Variants in ASAP1 observed in about 807,000 individuals in gnomAD.
ASAP1 encodes the protein ArfGAP with SH3 domain, ankyrin repeat and PH domain 1, also known as arf-GAP with SH3 domain, ANK repeat and PH domain-containing protein 1.
A neutral mutation model predicts 145.2 loss-of-function variants in ASAP1; 43 were observed. The ratio of observed to expected loss-of-function variants is 0.30; its 90% CI spans 0.23 to 0.38. ASAP1 has a LOEUF of 0.38. Among genes scored for constraint, ASAP1 ranks in the 10% least tolerant of loss-of-function variants. The probability of loss-of-function intolerance (pLI) is 1.00; values close to 1 mark genes in which losing one functional copy is unlikely to be tolerated. For synonymous variants in ASAP1, 546 were observed against 515.5 expected, an observed-to-expected ratio of 1.06 and a Z score of -0.80; for missense variants, 1,018 against 1,355.3, an observed-to-expected ratio of 0.75 and a Z score of 3.91.
chr8:130,405,647 C>T (rs540440601), intron 1 of ASAP1, among the ~76,000 whole-genome samples: 3 of 152,328 alleles, frequency 2.0e-5, no homozygotes, highest in Admixed American at 6.5e-5. Flanking sequence ...ACTAGACCAT[C>T]GTGAACCTTC....
intron 3 of ASAP1, among the ~76,000 whole-genome samples, chr8:130,327,731 G>C (rs1379989031): frequency 6.6e-6 from 1 of 152,156 alleles, no homozygotes; most frequent in African/African-American, 2.4e-5. Context: ...GAAACAGAAA[G>C]TAGCTTAGTA....
intron 3 of ASAP1, among the ~76,000 whole-genome samples, chr8:130,300,157 G>C (rs5021077): frequency 0.28 from 23,632 of 83,616 alleles, 2,041 homozygotes; most frequent in African/African-American, 0.31. Flanking sequence ...CACACACAGA[G>C]AGAGAGAGAG....
intron 3 of ASAP1, among the ~76,000 whole-genome samples, chr8:130,285,089 A>G (rs1821524530): frequency 6.6e-6 from 1 of 152,188 alleles, no homozygotes. Context: ...GTCTTCCTTG[A>G]CAGCAACACT....
intron 4 of ASAP1, among the ~76,000 whole-genome samples, chr8:130,226,125 G>A (rs535842929): frequency 1.0e-4 from 15 of 150,138 alleles, no homozygotes; most frequent in African/African-American, 3.2e-4. Flanking sequence ...CAATTCTCTC[G>A]CCTCAGCCTC....
intron 11 of ASAP1, among the ~76,000 whole-genome samples, chr8:130,166,214 G>A (rs1279977214): frequency 2.0e-5 from 3 of 152,042 alleles, no homozygotes; most frequent in African/African-American, 7.2e-5. Context: ...TTACTTTGTT[G>A]CCTAGGCTGG....
chr8:130,155,430 G>C (rs778496422), intron 12 of ASAP1, among the ~76,000 whole-genome samples: 1 of 152,134 alleles, frequency 6.6e-6, no homozygotes, highest in Non-Finnish European at 1.5e-5. Context: ...GCAGTGGTGC[G>C]ATCATGGCTC....
chr8:130,095,141 A>G (rs1033719116), intron 24 of ASAP1, among the ~76,000 whole-genome samples: 3 of 152,082 alleles, frequency 2.0e-5, no homozygotes, highest in Non-Finnish European at 4.4e-5. Flanking sequence ...TATAATCTCT[A>G]ATTAAGTCTT....
At chr8:130,373,146 A>ACC (rs1827307661) in intron 2 of ASAP1, among the ~76,000 whole-genome samples, 1 of 148,702 alleles carries the variant, frequency 6.7e-6, no homozygotes, top group Non-Finnish European at 1.5e-5. Context: ...ACACACACAC[A>ACC]CACAGAGTCT....
At chr8:130,271,831 C>A (rs555041866) in intron 3 of ASAP1, among the ~76,000 whole-genome samples, 2 of 152,148 alleles carry the variant, frequency 1.3e-5, no homozygotes, top group South Asian at 4.2e-4. Context: ...TCTCTAGTAT[C>A]CTGTTTATGA....
chr8:130,160,048 A>C (rs2097665894), intron 11 of ASAP1, 84 bp from the exon 12 acceptor site: 1 of 1,192,226 alleles, frequency 8.4e-7, no homozygotes. Flanking sequence ...AGCCTTTGGC[A>C]CTGGTCTGGG....
intron 2 of ASAP1, among the ~76,000 whole-genome samples, chr8:130,390,157 C>A (rs1442682323): frequency 6.6e-6 from 1 of 152,212 alleles, no homozygotes; most frequent in Admixed American, 6.5e-5. Context: ...AGAATGCTCA[C>A]TATTACCTCG....
intron 2 of ASAP1, among the ~76,000 whole-genome samples, chr8:130,364,902 C>T (rs1826880213): frequency 1.3e-5 from 2 of 152,144 alleles, no homozygotes; most frequent in Admixed American, 1.3e-4. Flanking sequence ...TGCACCTCAG[C>T]ACTCCAGCCT....
intron 2 of ASAP1, among the ~76,000 whole-genome samples, chr8:130,375,037 C>T (rs112012963): frequency 3.3e-5 from 5 of 152,280 alleles, no homozygotes; most frequent in Non-Finnish European, 7.3e-5. Flanking sequence ...GGCTGCCTCA[C>T]CTCGTCCACT....
At chr8:130,232,503 G>T (rs1817964421) in intron 4 of ASAP1, among the ~76,000 whole-genome samples, 1 of 152,050 alleles carries the variant, frequency 6.6e-6, no homozygotes, top group Admixed American at 6.6e-5. Flanking sequence ...GGTCTAAGTA[G>T]TTCACAGAAT....
intron 10 of ASAP1, 139 bp from the exon 11 acceptor site, chr8:130,167,761 TTGATA>T (rs2097682935): frequency 1.6e-6 from 1 of 618,636 alleles, no homozygotes; most frequent in Non-Finnish European, 2.9e-6. Context: ...TGTCTCATTT[TTGATA>T]TGATATTTCT....
intron 3 of ASAP1, among the ~76,000 whole-genome samples, chr8:130,335,143 C>T (rs1824951178): frequency 6.6e-6 from 1 of 152,216 alleles, no homozygotes; most frequent in Non-Finnish European, 1.5e-5. Context: ...ACTTCCTTCC[C>T]TACCACAAGC....
intron 11 of ASAP1, among the ~76,000 whole-genome samples, chr8:130,162,589 C>A (rs571503034): frequency 1.9e-4 from 29 of 152,148 alleles, no homozygotes; most frequent in African/African-American, 6.5e-4. Context: ...GAGGCTGAGG[C>A]GGGTGGATCA....
At chr8:130,352,702 A>G (rs766423179) in intron 3 of ASAP1, among the ~76,000 whole-genome samples, 13 of 152,264 alleles carry the variant, frequency 8.5e-5, no homozygotes, top group Non-Finnish European at 1.5e-4. Context: ...TTCTTCATCT[A>G]TAAAATGGAG....
rs532599441 is a variant in ASAP1 at position 130,160,916 on chromosome 8, C to T, written c.910-952G>A. The T allele has an allele frequency of 1.0e-5, 7 of 666,740 alleles. No individual in the cohort carries two copies. In the African/African-American group the frequency reaches 1.2e-4, roughly 11 times the overall value. 41.3% of individuals were successfully genotyped at this position (666,740 alleles called of 1,614,324 possible). A position where few individuals can be genotyped will look rare whatever the true frequency, so the allele number is the denominator to read the frequency against. The stretch of plus-strand genomic sequence containing the variant: ...TATATAATGTACACAGAAAATATCA[C>T]TGTAAAGATAATACCAGAAAACACA... On this transcript the variant is annotated intron_variant, in intron 11 of 29. Coordinates refer to ENST00000518721, the MANE Select transcript of ASAP1 (RefSeq NM_018482.4).
Sources: gnomAD v4.1 joint callset for allele counts (sites outside exome capture counted in the v4.1 genomes callset) on GRCh38, gnomAD v4.1.1 for gene constraint, MANE v1.5 for transcripts, NCBI Gene and HGNC (gene_info 2026-07-23, HGNC 2026-07-21) for gene names.